Variants in INPP5A observed in about 807,000 individuals in gnomAD.
The protein encoded by INPP5A is 43 kDa inositol polyphosphate 5-phophatase.
Under a neutral mutation model 65.2 loss-of-function variants are expected in INPP5A, and 14 were observed. The ratio of observed to expected loss-of-function variants is 0.21; its 90% CI spans 0.14 to 0.34. The LOEUF (loss-of-function observed/expected upper bound fraction) is 0.34, where lower values mean the gene tolerates loss of function less well. Ranked by LOEUF, INPP5A falls within the 10% of genes least tolerant of loss-of-function variation. The pLI, the probability that INPP5A is intolerant of heterozygous loss-of-function variation, is 1.00. For synonymous variants in INPP5A, 207 were observed against 208.3 expected, an observed-to-expected ratio of 0.99 and a Z score of 0.05; for missense variants, 431 against 545.6, an observed-to-expected ratio of 0.79 and a Z score of 2.09.
chr10:132,749,539 T>G lies in INPP5A; in HGVS notation c.755T>G (p.Met252Arg). Residue 252 changes from methionine to arginine, a missense_variant, in exon 10 of 16, where the codon ATG becomes AGG. By Grantham distance (91) the Met-to-Arg change is moderately conservative. Transcript: ENST00000368594. ...CAGACGCTCTGCACAAAAGCCACCATGCAGACGGTCCGGGCCGCCGACACC... is the reference window on the plus strand; with the variant it reads ...CAGACGCTCTGCACAAAAGCCACCAGGCAGACGGTCCGGGCCGCCGACACC... ...VVETLCTKAT[M>R]QTVRAADTNE... The G allele has an allele frequency of 6.2e-7, 1 of 1,612,942 alleles. No individual in the cohort carries two copies. Among genetic ancestry groups the G allele is most frequent in the Non-Finnish European group, 8.5e-7 (1 of 1,180,008 alleles).
intron 9 of INPP5A, among the ~76,000 whole-genome samples, chr10:132,736,808 A>G (rs912396404): frequency 1.3e-5 from 2 of 152,238 alleles, no homozygotes; most frequent in African/African-American, 4.8e-5. Flanking sequence ...GCACCTGGTC[A>G]TGGCCCCCCA....
chr10:132,722,601 T>TC (rs1349656299), intron 8 of INPP5A, among the ~76,000 whole-genome samples: 2 of 152,150 alleles, frequency 1.3e-5, no homozygotes, highest in African/African-American at 4.8e-5. Context: ...CCCGTGACTC[T>TC]CCCTAAGTCT....
At chr10:132,635,662 T>A (rs1233929117) in intron 2 of INPP5A, among the ~76,000 whole-genome samples, 1 of 151,978 alleles carries the variant, frequency 6.6e-6, no homozygotes, top group Non-Finnish European at 1.5e-5. Flanking sequence ...CCCAAAGTGC[T>A]GGGATTACAC....
At position 132,587,771 on chromosome 10, in the gene INPP5A, C is replaced by T. The variant is rs915317516; in HGVS notation, c.76-20144C>T. On this transcript the variant is annotated intron_variant, in intron 1 of 15. Transcript: ENST00000368594. This position sits in a 1 kb window ranked among gnomAD's most constrained non-coding sequence, Gnocchi z 4.3. ...GTAATCCCCCAGCACTTTGGGAGGCCGAGGCGAGGCGGGCAGATTATCTGA... is the reference window on the plus strand; with the variant it reads ...GTAATCCCCCAGCACTTTGGGAGGCTGAGGCGAGGCGGGCAGATTATCTGA... 2.6e-5 allele frequency among the ~76,000 whole-genome samples: 4 copies of T among 151,712 alleles called. No individual in the cohort carries two copies. Among genetic ancestry groups the T allele is most frequent in the Non-Finnish European group, 2.9e-5 (2 of 67,914 alleles).
chr10:132,709,526 G>A (rs1448991221), intron 7 of INPP5A, among the ~76,000 whole-genome samples: 1 of 152,106 alleles, frequency 6.6e-6, no homozygotes, highest in Non-Finnish European at 1.5e-5. Context: ...TGGTCACAGG[G>A]AACAGCCTTG....
intron 1 of INPP5A, among the ~76,000 whole-genome samples, chr10:132,596,434 G>T (rs1370497217): frequency 9.7e-4 from 138 of 142,808 alleles, no homozygotes; most frequent in Non-Finnish European, 1.4e-3. Flanking sequence ...GTTTTGTTTT[G>T]TTTTTTTTTT....
intron 2 of INPP5A, among the ~76,000 whole-genome samples, chr10:132,629,697 G>A (rs1235091099): frequency 6.6e-6 from 1 of 152,228 alleles, no homozygotes; most frequent in Admixed American, 6.5e-5. Flanking sequence ...CATTCCACAC[G>A]TGAGCATCCA....
intron 2 of INPP5A, among the ~76,000 whole-genome samples, chr10:132,633,408 C>T (rs890851466): frequency 9.9e-5 from 15 of 152,274 alleles, no homozygotes; most frequent in Middle Eastern, 3.4e-3. Context: ...TTGAGTTTCT[C>T]GCCTTGTGCA....
At chr10:132,629,616 T>G (rs113555583) in intron 2 of INPP5A, among the ~76,000 whole-genome samples, 3,538 of 152,326 alleles carry the variant, frequency 0.023, 49 homozygotes, top group South Asian at 0.039. Flanking sequence ...AGTGTTCACT[T>G]GCTGCTGCGT....
intron 9 of INPP5A, among the ~76,000 whole-genome samples, chr10:132,730,007 C>T (rs551848091): frequency 1.3e-5 from 2 of 152,356 alleles, no homozygotes; most frequent in South Asian, 4.1e-4. Flanking sequence ...CCACCATAAG[C>T]CTCACCAGCT....
rs555635874 is a variant in INPP5A at position 132,741,667 on chromosome 10, G to C, written c.733-7850G>C. 6.6e-6 allele frequency among the ~76,000 whole-genome samples: 1 copy of C among 152,178 alleles called. No homozygotes were observed. Among genetic ancestry groups the C allele is most frequent in the South Asian group, 2.1e-4 (1 of 4,830 alleles). ...GGAATGAAGGTGGACGTTGGTATCC[G>C]CGTCCGCTTGCTTTTCTCAATAGCC... is the stretch of plus-strand genomic sequence containing the variant. On this transcript the variant is annotated intron_variant, in intron 9 of 15. Coordinates refer to ENST00000368594, the MANE Select transcript of INPP5A (RefSeq NM_005539.5). The surrounding 1 kb of genome is among the most constrained non-coding windows in gnomAD (Gnocchi z 4.4).
rs764674648 is a variant in INPP5A at position 132,549,747 on chromosome 10, C to T, written c.75+11576C>T. Among the ~76,000 whole-genome samples the T allele has an allele frequency of 6.6e-6, 1 of 151,976 alleles. No homozygotes were observed. The highest frequency in any genetic ancestry group is 1.5e-5 in the Non-Finnish European group (1 of 68,030). On this transcript the variant is annotated intron_variant, in intron 1 of 15. Coordinates refer to ENST00000368594, the MANE Select transcript of INPP5A (RefSeq NM_005539.5). This position sits in a 1 kb window ranked among gnomAD's most constrained non-coding sequence, Gnocchi z 4.9. ...CACAGGTCGGGGCCACCCAGCCCAGCCTGGGTTCCTGCAGCCCCCACTCTC... is the reference window on the plus strand; with the variant it reads ...CACAGGTCGGGGCCACCCAGCCCAGTCTGGGTTCCTGCAGCCCCCACTCTC...
chr10:132,642,118 C>T (rs1452542174), intron 2 of INPP5A, among the ~76,000 whole-genome samples: 1 of 152,198 alleles, frequency 6.6e-6, no homozygotes, highest in Non-Finnish European at 1.5e-5. Context: ...GGGCGGCCTT[C>T]TGGGAACAGC....
At chr10:132,774,583 G>T (rs1277380247) in intron 12 of INPP5A, among the ~76,000 whole-genome samples, 1 of 152,168 alleles carries the variant, frequency 6.6e-6, no homozygotes, top group Non-Finnish European at 1.5e-5. Flanking sequence ...CAGGCCCGTT[G>T]GTCTCTCCTG....
intron 2 of INPP5A, among the ~76,000 whole-genome samples, chr10:132,610,102 C>G (rs2071922909): frequency 6.6e-6 from 1 of 152,220 alleles, no homozygotes; most frequent in African/African-American, 2.4e-5. Context: ...ATGGCGGACA[C>G]CGAGGTCCCG....
chr10:132,738,926 C>G (rs963535931), intron 9 of INPP5A, among the ~76,000 whole-genome samples: 3 of 152,210 alleles, frequency 2.0e-5, no homozygotes, highest in African/African-American at 7.2e-5. Flanking sequence ...CAGGGCCTCA[C>G]GGTGGGCACT....
At chr10:132,565,003 G>T (rs551725360) in intron 1 of INPP5A, among the ~76,000 whole-genome samples, 112 of 152,338 alleles carry the variant, frequency 7.4e-4, no homozygotes, top group African/African-American at 2.6e-3. Flanking sequence ...CATTCACAGC[G>T]CTGCTTTACG....
intron 2 of INPP5A, among the ~76,000 whole-genome samples, chr10:132,612,151 C>T (rs182851223): frequency 8.6e-5 from 11 of 128,482 alleles, no homozygotes; most frequent in African/African-American, 1.2e-4. Context: ...GTTATGAGTT[C>T]GTGGGAGAGG....
intron 12 of INPP5A, among the ~76,000 whole-genome samples, chr10:132,773,120 G>A (rs1164696015): frequency 6.6e-6 from 1 of 152,246 alleles, no homozygotes; most frequent in Non-Finnish European, 1.5e-5. Context: ...GGGTGCGGTG[G>A]GCTGGTGAAC....
Sources: gnomAD v4.1 joint callset for allele counts (sites outside exome capture counted in the v4.1 genomes callset) on GRCh38, gnomAD v4.1.1 for gene constraint, Gnocchi (gnomAD v3.1) non-coding constraint, MANE v1.5 for transcripts, NCBI Gene and HGNC (gene_info 2026-07-23, HGNC 2026-07-21) for gene names.